The following OSBP variants were observed in gnomAD, a reference collection of about 807,000 sequenced individuals.
OSBP encodes the protein oxysterol-binding protein 1.
A neutral mutation model predicts 96.6 loss-of-function variants in OSBP; 32 were observed. The ratio of observed to expected loss-of-function variants is 0.33; its 90% CI spans 0.25 to 0.45. The LOEUF (loss-of-function observed/expected upper bound fraction) is 0.45, where lower values mean the gene tolerates loss of function less well. OSBP is among the 20% of genes least tolerant of loss of function. The pLI is 1.00. For synonymous variants in OSBP, 369 were observed against 389.6 expected (o/e 0.95, Z 0.62); for missense variants, 653 against 1,029.7 (o/e 0.63, Z 5.01).
intron 9 of OSBP, among the ~76,000 whole-genome samples, chr11:59,590,814 C>T (rs1013486852): frequency 2.0e-5 from 3 of 152,222 alleles, no homozygotes; most frequent in Non-Finnish European, 2.9e-5. Flanking sequence ...AATTTCACTA[C>T]ATGATTCGCC....
chr11:59,601,892 A>G (rs1237668467), intron 3 of OSBP, 54 bp from the exon 4 acceptor site: 1 of 1,528,762 alleles, frequency 6.5e-7, no homozygotes, highest in African/African-American at 1.4e-5. Flanking sequence ...GTTTCCCCTC[A>G]GGCTTCTGCA....
At chr11:59,586,931 CAT>C (rs1455497137) in intron 9 of OSBP, among the ~76,000 whole-genome samples, 1 of 152,024 alleles carries the variant, frequency 6.6e-6, no homozygotes, top group Non-Finnish European at 1.5e-5. Flanking sequence ...TAGAAGAAAA[CAT>C]AGGGCAAAAG....
chr11:59,604,108 G>T (rs1860752155), intron 3 of OSBP, among the ~76,000 whole-genome samples: 1 of 151,400 alleles, frequency 6.6e-6, no homozygotes, highest in Admixed American at 6.6e-5. Flanking sequence ...TACAAATAAG[G>T]GTAAGTTATT....
intron 1 of OSBP, among the ~76,000 whole-genome samples, chr11:59,613,684 G>A (rs1860882808): frequency 6.6e-6 from 1 of 152,160 alleles, no homozygotes; most frequent in African/African-American, 2.4e-5. Context: ...TTAAATGGAT[G>A]GTCCTGGATA....
Position 59,615,528 on chromosome 11 carries a change from G to A in OSBP, c.137C>T (p.Ala46Val). The A allele has an allele frequency of 7.7e-7, 1 of 1,292,594 alleles. No homozygotes were observed. Among genetic ancestry groups the A allele is most frequent in the Non-Finnish European group, 9.8e-7 (1 of 1,018,082 alleles). 80.1% of individuals were successfully genotyped at this position (1,292,594 alleles called of 1,614,324 possible). A position where few individuals can be genotyped will look rare whatever the true frequency, so the allele number is the denominator to read the frequency against. ...RGDAGPGSGA[A>V]SGTVVAAAAG... ...CGCCGCCGCGACCACCGTCCCTGAC[G>A]CGGCCCCGGAGCCTGGCCCCGCATC... Residue 46 changes from alanine to valine, a missense_variant, in exon 1 of 14, where the codon GCG becomes GTG. Ala to Val is a moderately conservative substitution (Grantham distance 64, BLOSUM62 0). Coordinates refer to ENST00000263847, the MANE Select transcript of OSBP (RefSeq NM_002556.3).
intron 3 of OSBP, among the ~76,000 whole-genome samples, chr11:59,608,126 A>AATACATACATAC (rs141275090): frequency 7.9e-5 from 12 of 150,956 alleles, no homozygotes; most frequent in Non-Finnish European, 1.5e-4. Context: ...AAAATAAATA[A>AATACATACATAC]ATACATACAT....
rs1287444371 is a variant in OSBP, at chr11:59,615,324, T to C, written c.341A>G (p.Asn114Ser). 1 of 1,604,114 alleles carries C rather than the reference T, an allele frequency of 6.2e-7. No homozygotes were observed. Among genetic ancestry groups the C allele is most frequent in the East Asian group, 2.3e-5 (1 of 44,322 alleles). ...GYQRRWFVLS[N>S]GLLSYYRSKA... is the part of the protein sequence containing the mutation. ...TTACCTGTAGTAGCTCAGGAGCCCGTTGCTCAGCACGAACCATCGCCGCTG... is the reference window on the plus strand; with the variant it reads ...TTACCTGTAGTAGCTCAGGAGCCCGCTGCTCAGCACGAACCATCGCCGCTG... The change falls in exon 1 of 14, where the codon AAC becomes AGC. Residue 114 changes from asparagine (N) to serine (S), a missense_variant. Physicochemically the swap from Asn to Ser is conservative, Grantham distance 46. Coordinates refer to ENST00000263847, the MANE Select transcript of OSBP (RefSeq NM_002556.3).
At chr11:59,601,881 A>C in intron 3 of OSBP, 43 bp from the exon 4 acceptor site, 2 of 1,576,586 alleles carry the variant, frequency 1.3e-6, no homozygotes, top group Non-Finnish European at 1.7e-6. Context: ...AACTAGTCAG[A>C]GTTTCCCCTC....
rs1238682236 is a variant in OSBP, at chr11:59,574,767, C to A, written c.*1810G>T. 2 of 152,646 alleles carry A rather than the reference C, an allele frequency of 1.3e-5. No individual in the cohort carries two copies. Among genetic ancestry groups the A allele is most frequent in the East Asian group, 3.9e-4 (2 of 5,174 alleles). The allele number at this position is 152,646 out of a possible 1,614,324, so 9.5% of individuals were successfully genotyped here. ...AATTCCCCAGCAGTCAAAGTCACTC[C>A]TCTCCCATGTTTATCACAACTAGGA... On this transcript the variant is annotated 3_prime_UTR_variant, in exon 14 of 14. Coordinates refer to ENST00000263847, the MANE Select transcript of OSBP (RefSeq NM_002556.3).
At position 59,576,338 on chromosome 11, in the gene OSBP, C is replaced by G. The variant is rs1860361196; in HGVS notation, c.*239G>C. 2.1e-6 allele frequency: 1 copy of G among 483,260 alleles called. No homozygotes were observed. Among genetic ancestry groups the G allele is most frequent in the Admixed American group, 3.7e-5 (1 of 27,292 alleles). The allele number at this position is 483,260 out of a possible 1,614,324, so 29.9% of individuals were successfully genotyped here. ...GTGGAATAACACTAACCTTCGGCCA[C>G]TAAACCTCTCCCTTACAGACATAGT... On this transcript the variant is annotated 3_prime_UTR_variant, in exon 14 of 14. Coordinates refer to ENST00000263847, the MANE Select transcript of OSBP (RefSeq NM_002556.3).
chr11:59,601,734 C>T lies in OSBP; in HGVS notation c.927G>A (p.Glu309=), dbSNP rs1401158571. 2 of 1,614,014 alleles carry T rather than the reference C, an allele frequency of 1.2e-6. No homozygotes were observed. Among genetic ancestry groups the T allele is most frequent in the East Asian group, 2.2e-5 (1 of 44,892 alleles). Reference sequence around the variant, plus strand: ...GGTGATTATGCTGCTTCGCCAGCTGCTCGAGGGTTTCTTCCAGTCGGATAC... The same window carrying T: ...GGTGATTATGCTGCTTCGCCAGCTGTTCGAGGGTTTCTTCCAGTCGGATAC... ...DQRIRLEETL[E]QLAKQHNHLE... is the part of the protein sequence containing the mutation. Residue 309 remains glutamate (E), a synonymous_variant, in exon 4 of 14, where the codon GAG becomes GAA. Coordinates refer to ENST00000263847, the MANE Select transcript of OSBP (RefSeq NM_002556.3).
chr11:59,600,739 A>T, intron 6 of OSBP, 80 bp downstream of exon 6: 1 of 1,530,064 alleles, frequency 6.5e-7, no homozygotes. Flanking sequence ...TTCTCTTAGC[A>T]CTTCACAAAA....
chr11:59,598,651 G>A (rs1237271532), intron 7 of OSBP, among the ~76,000 whole-genome samples: 3 of 152,114 alleles, frequency 2.0e-5, no homozygotes, highest in Non-Finnish European at 4.4e-5. Flanking sequence ...GTATAGTGGT[G>A]CGATCTCAGC....
chr11:59,588,922 T>C (rs1187360828), intron 9 of OSBP, among the ~76,000 whole-genome samples: 1 of 151,784 alleles, frequency 6.6e-6, no homozygotes, highest in East Asian at 2.0e-4. Context: ...GGAGAATCAG[T>C]TGAACCCAGG....
rs1404584173 is a variant in OSBP at position 59,576,636 on chromosome 11, C to T, written c.2365G>A (p.Gly789Arg). 2 of 1,614,136 alleles carry T rather than the reference C, an allele frequency of 1.2e-6. No individual in the cohort carries two copies. Among genetic ancestry groups the T allele is most frequent in the Non-Finnish European group, 1.7e-6 (2 of 1,180,024 alleles). ...VTKELTHIYR[G>R]EYWECKEKQD... ...TTTTCTTTACACTCCCAGTATTCTC[C>T]CCTATAAATATGGGTTAACTCCTTG... The change falls in exon 14 of 14, where the codon GGA becomes AGA. Residue 789 changes from glycine to arginine, a missense_variant. Coordinates refer to ENST00000263847, the MANE Select transcript of OSBP (RefSeq NM_002556.3).
Position 59,605,638 on chromosome 11 carries a change from G to A in OSBP, c.822+2846C>T, listed in dbSNP as rs184934915. Among the ~76,000 whole-genome samples the A allele has an allele frequency of 4.2e-3, 639 of 152,124 alleles. 2 individuals are homozygous for A. Among genetic ancestry groups the A allele is most frequent in the African/African-American group, 0.014 (595 of 41,512 alleles). ...TGACCTCAGGTGATCCACTCGACTC[G>A]GCCTCACAAAGTGCTGGGATTACAG... On this transcript the variant is annotated intron_variant, in intron 3 of 13. Coordinates refer to ENST00000263847, the MANE Select transcript of OSBP (RefSeq NM_002556.3).
intron 6 of OSBP, 93 bp downstream of exon 6, chr11:59,600,726 A>G: frequency 6.5e-7 from 1 of 1,528,840 alleles, no homozygotes; most frequent in Non-Finnish European, 8.9e-7. Context: ...AAAAAAAATC[A>G]GTTTCTCTTA....
At chr11:59,598,958 G>C (rs1860688812) in intron 7 of OSBP, among the ~76,000 whole-genome samples, 1 of 152,184 alleles carries the variant, frequency 6.6e-6, no homozygotes, top group Non-Finnish European at 1.5e-5. Context: ...ATAAGGCTCT[G>C]ATGACTCAAG....
intron 1 of OSBP, among the ~76,000 whole-genome samples, chr11:59,615,094 G>A (rs1289866333): frequency 6.6e-6 from 1 of 152,230 alleles, no homozygotes; most frequent in Non-Finnish European, 1.5e-5. Flanking sequence ...CCAAGAGTGG[G>A]TAACCCGAGG....
Sources: gnomAD v4.1 joint callset for allele counts (sites outside exome capture counted in the v4.1 genomes callset) on GRCh38, gnomAD v4.1.1 for gene constraint, MANE v1.5 for transcripts, NCBI Gene and HGNC (gene_info 2026-07-23, HGNC 2026-07-21) for gene names.